Variants in MTHFD1L observed in about 807,000 individuals in gnomAD.
MTHFD1L encodes monofunctional C1-tetrahydrofolate synthase, mitochondrial.
Under a neutral mutation model 119.5 loss-of-function variants are expected in MTHFD1L, and 81 were observed. The ratio of observed to expected loss-of-function variants is 0.68; its 90% CI spans 0.57 to 0.82. The LOEUF is 0.82. Among genes scored for constraint, MTHFD1L ranks in the 40% least tolerant of loss-of-function variants. The pLI is 0.00. For synonymous variants in MTHFD1L, 430 were observed against 475.2 expected, an observed-to-expected ratio of 0.90 and a Z score of 1.24; for missense variants, 1,125 against 1,253.4, an observed-to-expected ratio of 0.90 and a Z score of 1.55.
chr6:150,922,858 G>A (rs924322017), intron 10 of MTHFD1L, among the ~76,000 whole-genome samples: 6 of 151,632 alleles, frequency 4.0e-5, no homozygotes, highest in Non-Finnish European at 8.8e-5. Context: ...TTGGCCAGCC[G>A]GTCTCAAACT....
intron 20 of MTHFD1L, among the ~76,000 whole-genome samples, chr6:150,983,515 C>G (rs773291177): frequency 6.6e-6 from 1 of 152,164 alleles, no homozygotes; most frequent in Admixed American, 6.5e-5. Flanking sequence ...AGTGCTGTCC[C>G]CTTTGTCCCA....
At chr6:151,023,643 G>GA (rs903183067) in intron 24 of MTHFD1L, among the ~76,000 whole-genome samples, 2 of 151,982 alleles carry the variant, frequency 1.3e-5, no homozygotes, top group South Asian at 4.2e-4. Flanking sequence ...CACCCAATGA[G>GA]AAAAAAACAG....
At chr6:151,046,242 C>A (rs13195153) in intron 26 of MTHFD1L, among the ~76,000 whole-genome samples, 30,719 of 151,556 alleles carry the variant, frequency 0.2, 3,683 homozygotes, top group Middle Eastern at 0.3. Context: ...TGCTATTAAT[C>A]CCTGTGTATT....
intron 26 of MTHFD1L, among the ~76,000 whole-genome samples, chr6:151,085,234 G>A (rs979072354): frequency 4.0e-5 from 6 of 151,664 alleles, no homozygotes; most frequent in Non-Finnish European, 8.8e-5. Context: ...ATTTAATCAG[G>A]AACAGGCTTT....
chr6:150,992,815 A>C (rs1233460335), intron 20 of MTHFD1L, among the ~76,000 whole-genome samples: 1 of 152,148 alleles, frequency 6.6e-6, no homozygotes, highest in Admixed American at 6.5e-5. Context: ...TGGGTGAACC[A>C]CCTGACTTGA....
intron 26 of MTHFD1L, among the ~76,000 whole-genome samples, chr6:151,053,344 A>C (rs1025170799): frequency 6.6e-6 from 1 of 152,198 alleles, no homozygotes; most frequent in Admixed American, 6.5e-5. Context: ...CACAATGATA[A>C]GTGAAAAGTT....
intron 7 of MTHFD1L, among the ~76,000 whole-genome samples, chr6:150,890,545 G>A (rs1462839236): frequency 6.6e-6 from 1 of 152,154 alleles, no homozygotes; most frequent in African/African-American, 2.4e-5. Flanking sequence ...GAATGTATCT[G>A]AGTCACGCGC....
intron 20 of MTHFD1L, among the ~76,000 whole-genome samples, chr6:150,998,995 A>AAAAAAAAAAATGTGTATATATAT (rs986639098): frequency 1.4e-5 from 2 of 143,586 alleles, no homozygotes; most frequent in Non-Finnish European, 1.5e-5. Flanking sequence ...GTCTTAAAAA[A>AAAAAAAAAAATGTGTATATATAT]ATATATATAC....
chr6:151,087,704 A>G (rs1793957921), intron 26 of MTHFD1L, among the ~76,000 whole-genome samples: 1 of 152,212 alleles, frequency 6.6e-6, no homozygotes, highest in African/African-American at 2.4e-5. Flanking sequence ...TTTCTTAATG[A>G]CTAGTTTTAA....
intron 26 of MTHFD1L, among the ~76,000 whole-genome samples, chr6:151,070,439 T>C (rs753751941): frequency 2.0e-5 from 3 of 152,246 alleles, no homozygotes; most frequent in African/African-American, 4.8e-5. Flanking sequence ...TGTTTAGTTT[T>C]TGTTGTCTTT....
chr6:150,992,935 AT>A (rs1779251301), intron 20 of MTHFD1L, among the ~76,000 whole-genome samples: 1 of 152,188 alleles, frequency 6.6e-6, no homozygotes. Flanking sequence ...GCATGGCTTC[AT>A]CACTCACCCA....
At chr6:150,893,517 G>A (rs867857804) in intron 7 of MTHFD1L, among the ~76,000 whole-genome samples, 21 of 152,198 alleles carry the variant, frequency 1.4e-4, no homozygotes, top group Non-Finnish European at 2.5e-4. Context: ...GTAGAAGGAC[G>A]TTATCTTTGA....
intron 20 of MTHFD1L, among the ~76,000 whole-genome samples, chr6:151,001,957 G>A (rs758092772): frequency 3.3e-5 from 5 of 152,160 alleles, no homozygotes; most frequent in Non-Finnish European, 7.3e-5. Context: ...TGGAAAGGAA[G>A]GAGGATCATA....
rs1348714477 is a variant in MTHFD1L, at chr6:150,926,329, A to G, written c.1256+34A>G. 26 of 1,577,584 alleles carry G rather than the reference A, an allele frequency of 1.6e-5. No homozygotes were observed. Among genetic ancestry groups the G allele is most frequent in the Non-Finnish European group, 2.2e-5 (25 of 1,153,148 alleles). On this transcript the variant is annotated intron_variant, in intron 11 of 27. Transcript: ENST00000367321. This position sits in a 1 kb window ranked among gnomAD's most constrained non-coding sequence, Gnocchi z 4.3. ...CCATCTAACATCTACTTGATCAAGC[A>G]GACATATTTACAAAACTCTTCCCTA...
intron 26 of MTHFD1L, chr6:151,055,933 T>C (rs1789852981): frequency 6.6e-6 from 1 of 152,238 alleles, no homozygotes; most frequent in African/African-American, 2.4e-5. Context: ...TTATCTACTC[T>C]TGCTTGATAA....
chr6:150,998,758 C>T, intron 20 of MTHFD1L, among the ~76,000 whole-genome samples: 1 of 147,580 alleles, frequency 6.8e-6, no homozygotes, highest in Non-Finnish European at 1.5e-5. Flanking sequence ...AGGCAGATCA[C>T]TTGAGCTCAG....
rs148480818 is a variant in MTHFD1L at position 151,034,506 on chromosome 6, A to G, written c.2600A>G (p.Asp867Gly). ...GTGTTTCTCCAGGTTCCAATTGTGG[A>G]CAAGATAAGGACCATTGCTCAGGCT... is the stretch of plus-strand genomic sequence containing the variant. ...FLYDVQVPIV[D>G]KIRTIAQAVY... The change falls in exon 25 of 28, where the codon GAC (aspartate) becomes GGC (glycine). Residue 867 changes from aspartate (D) to glycine (G), a missense_variant. Transcript: ENST00000367321. 22 of 1,610,156 alleles carry G rather than the reference A, an allele frequency of 1.4e-5. No individual in the cohort carries two copies. In the South Asian group the frequency reaches 1.8e-4, roughly 13 times the overall value.
intron 20 of MTHFD1L, among the ~76,000 whole-genome samples, chr6:150,984,471 T>C (rs1407508996): frequency 1.3e-5 from 2 of 151,784 alleles, no homozygotes; most frequent in South Asian, 4.2e-4. Context: ...ATGAGAAGCC[T>C]GGTTTCTGTC....
intron 8 of MTHFD1L, among the ~76,000 whole-genome samples, chr6:150,909,655 T>C (rs930351333): frequency 2.0e-5 from 3 of 152,232 alleles, no homozygotes; most frequent in African/African-American, 7.2e-5. Flanking sequence ...ATATTAGGAC[T>C]TATTTACTGA....
Sources: allele counts gnomAD v4.1 joint callset (sites outside exome capture counted in the v4.1 genomes callset), GRCh38; gene constraint gnomAD v4.1.1; non-coding constraint Gnocchi (gnomAD v3.1); transcripts MANE v1.5; gene names NCBI Gene and HGNC (gene_info 2026-07-23, HGNC 2026-07-21).